Variants in CST5 observed in about 807,000 individuals in gnomAD.
CST5 encodes cystatin D.
Under a neutral mutation model 11.5 loss-of-function variants are expected in CST5, and 13 were observed. The ratio of observed to expected loss-of-function variants is 1.13; its 90% CI spans 0.73 to 1.79. The LOEUF (loss-of-function observed/expected upper bound fraction) is 1.79, where lower values mean the gene tolerates loss of function less well. CST5 is among the 40% of genes most tolerant of loss of function. CST5 has a pLI of 0.00. For synonymous variants in CST5, 81 were observed against 67.6 expected (o/e 1.20, Z -0.97); for missense variants, 219 against 174.5 (o/e 1.25, Z -1.44).
Position 23,879,578 on chromosome 20 carries a change from G to A in CST5, c.99C>T (p.Gly33=), listed in dbSNP as rs1377506411. The A allele has an allele frequency of 5.6e-6, 9 of 1,614,068 alleles. No homozygotes were observed. Among genetic ancestry groups the A allele is most frequent in the Admixed American group, 1.7e-5 (1 of 60,022 alleles). ...TGTCATTGAGGTCTGTGGCATGGATGCCACCTGCCAAGGTCCTAGATTGGG... is the reference window on the plus strand; with the variant it reads ...TGTCATTGAGGTCTGTGGCATGGATACCACCTGCCAAGGTCCTAGATTGGG... ...ASAQSRTLAG[G]IHATDLNDKS... The change falls in exon 1 of 3, where the codon GGC becomes GGT. Residue 33 remains glycine (G), a synonymous_variant. Transcript: ENST00000304710.
chr20:23,877,364 C>T (rs1015795761), intron 2 of CST5, 141 bp downstream of exon 2: 1 of 643,476 alleles, frequency 1.6e-6, no homozygotes, highest in Admixed American at 2.7e-5. Context: ...CATACGTGGC[C>T]CCACAAATAT....
intron 1 of CST5, among the ~76,000 whole-genome samples, chr20:23,878,950 T>A (rs1986021215): frequency 6.6e-6 from 1 of 152,222 alleles, no homozygotes; most frequent in Admixed American, 6.5e-5. Context: ...GGAACTCAGC[T>A]GTCCTGGGCT....
Position 23,877,568 on chromosome 20 carries a change from T to A in CST5, c.282A>T (p.Thr94=). The change falls in exon 2 of 3, where the codon ACA becomes ACT. Residue 94 remains threonine, a synonymous_variant. Transcript: ENST00000304710. ...CCAAGTTGGGCTGGGACTTGGTGCA[T>A]GTGGTTCGACCGAACTTCACATTGA... ...YYFNVKFGRT[T]CTKSQPNLDN... 6.2e-7 allele frequency: 1 copy of A among 1,614,062 alleles called. No homozygotes were observed. The highest frequency in any genetic ancestry group is 1.6e-4 in the Middle Eastern group (1 of 6,062).
intron 1 of CST5, among the ~76,000 whole-genome samples, chr20:23,878,219 A>G (rs1986005054): frequency 6.6e-6 from 1 of 152,196 alleles, no homozygotes; most frequent in Non-Finnish European, 1.5e-5. Flanking sequence ...TGAGATGCTC[A>G]CATACATTGA....
Position 23,879,710 on chromosome 20 carries a change from T to C in CST5, c.-34A>G. ...GGGACACAGAGCAAGGAGCTGGATC[T>C]CCCAGAGAGCAAAGCAGCAGAAGGC... is the stretch of plus-strand genomic sequence containing the variant. On this transcript the variant is annotated 5_prime_UTR_variant, in exon 1 of 3. Transcript: ENST00000304710. 6.3e-7 allele frequency: 1 copy of C among 1,593,082 alleles called. No homozygotes were observed. Among genetic ancestry groups the C allele is most frequent in the Non-Finnish European group, 8.6e-7 (1 of 1,164,624 alleles).
At chr20:23,877,923 A>T (rs1275274123) in intron 1 of CST5, among the ~76,000 whole-genome samples, 2 of 152,318 alleles carry the variant, frequency 1.3e-5, no homozygotes, top group South Asian at 4.1e-4. Context: ...TCAGGAACAG[A>T]AGGCACAGCT....
In CST5 at chr20:23,877,518, G is replaced by C; in HGVS notation, c.332C>G (p.Pro111Arg). The C allele has an allele frequency of 6.2e-7, 1 of 1,614,010 alleles. No individual in the cohort carries two copies. The highest frequency in any genetic ancestry group is 8.5e-7 in the Non-Finnish European group (1 of 1,179,914). The change falls in exon 2 of 3, where the codon CCA becomes CGA. Residue 111 changes from proline to arginine, a missense_variant. By Grantham distance (103) the Pro-to-Arg change is moderately radical. Transcript: ENST00000304710. ...NLDNCPFNDQ[P>R]KLKEEEFCSF... is the part of the protein sequence containing the mutation. Reference sequence around the variant, plus strand: ...TCAGGCACATACCTCTTTCAGTTTTGGCTGGTCATTGAAGGGACAGTTGTC... The same window carrying C: ...TCAGGCACATACCTCTTTCAGTTTTCGCTGGTCATTGAAGGGACAGTTGTC...
chr20:23,877,725 C>A, intron 1 of CST5, 107 bp from the exon 2 acceptor site: 1 of 890,704 alleles, frequency 1.1e-6, no homozygotes, highest in Non-Finnish European at 1.8e-6. Flanking sequence ...GGCTTCATGC[C>A]CACACTGTCA....
intron 2 of CST5, 36 bp from the exon 3 acceptor site, chr20:23,876,307 G>A (rs775791099): frequency 6.4e-7 from 1 of 1,551,840 alleles, no homozygotes; most frequent in African/African-American, 1.4e-5. Context: ...ATGACTGTGG[G>A]TTACAGTTAA....
At chr20:23,878,875 A>G (rs1339609776) in intron 1 of CST5, among the ~76,000 whole-genome samples, 1 of 152,126 alleles carries the variant, frequency 6.6e-6, no homozygotes, top group African/African-American at 2.4e-5. Flanking sequence ...TGCTGTCCTC[A>G]TTTTGCTGAG....
At chr20:23,879,377 A>G in intron 1 of CST5, 69 bp downstream of exon 1, 1 of 1,093,084 alleles carries the variant, frequency 9.1e-7, no homozygotes, top group Non-Finnish European at 1.4e-6. Flanking sequence ...ATTTGCTGGG[A>G]GTGCTCTGGG....
intron 2 of CST5, among the ~76,000 whole-genome samples, chr20:23,876,641 G>A (rs944220882): frequency 6.6e-6 from 1 of 152,210 alleles, no homozygotes; most frequent in Non-Finnish European, 1.5e-5. Flanking sequence ...AGCACTAAGA[G>A]GGGCCAGAGG....
chr20:23,876,315 T>A (rs1339939377), intron 2 of CST5, 44 bp from the exon 3 acceptor site: 1 of 1,503,884 alleles, frequency 6.6e-7, no homozygotes, highest in African/African-American at 1.4e-5. Flanking sequence ...GGGTTACAGT[T>A]AAAGCCAAAG....
At chr20:23,879,385 G>A (rs1030745459) in intron 1 of CST5, 61 bp downstream of exon 1, 8 of 1,235,072 alleles carry the variant, frequency 6.5e-6, no homozygotes, top group South Asian at 1.2e-5. Context: ...GGAGTGCTCT[G>A]GGGGGTGAGG....
Position 23,877,534 on chromosome 20 carries a change from G to T in CST5, c.316C>A (p.Pro106Thr). 6.2e-7 allele frequency: 1 copy of T among 1,614,176 alleles called. No homozygotes were observed. The highest frequency in any genetic ancestry group is 8.5e-7 in the Non-Finnish European group (1 of 1,180,016). The stretch of plus-strand genomic sequence containing the variant: ...TTCAGTTTTGGCTGGTCATTGAAGG[G>T]ACAGTTGTCCAAGTTGGGCTGGGAC... ...TKSQPNLDNCPFNDQPKLKEE... is the reference protein window; with the variant it reads ...TKSQPNLDNCTFNDQPKLKEE... The change falls in exon 2 of 3, where the codon CCC becomes ACC. Residue 106 changes from proline (P) to threonine (T), a missense_variant. By Grantham distance (38) the Pro-to-Thr change is conservative. Transcript: ENST00000304710.
At position 23,879,577 on chromosome 20, in the gene CST5, T is replaced by C. The variant is rs1194856160; in HGVS notation, c.100A>G (p.Ile34Val). The C allele has an allele frequency of 6.2e-7, 1 of 1,614,048 alleles. No individual in the cohort carries two copies. Among genetic ancestry groups the C allele is most frequent in the Non-Finnish European group, 8.5e-7 (1 of 1,179,994 alleles). The change falls in exon 1 of 3, where the codon ATC becomes GTC. Residue 34 changes from isoleucine (I) to valine (V), a missense_variant. By Grantham distance (29) the Ile-to-Val change is conservative (BLOSUM62 3). Coordinates refer to ENST00000304710, the MANE Select transcript of CST5 (RefSeq NM_001900.5). ...TTGTCATTGAGGTCTGTGGCATGGATGCCACCTGCCAAGGTCCTAGATTGG... is the reference window on the plus strand; with the variant it reads ...TTGTCATTGAGGTCTGTGGCATGGACGCCACCTGCCAAGGTCCTAGATTGG... ...SAQSRTLAGGIHATDLNDKSV... is the reference protein window; with the variant it reads ...SAQSRTLAGGVHATDLNDKSV...
At chr20:23,876,580 A>G (rs1032326202) in intron 2 of CST5, among the ~76,000 whole-genome samples, 4 of 152,162 alleles carry the variant, frequency 2.6e-5, no homozygotes, top group African/African-American at 7.2e-5. Flanking sequence ...GGTGCAGGAC[A>G]GGGGAGGCAG....
intron 1 of CST5, 62 bp from the exon 2 acceptor site, chr20:23,877,680 C>G: frequency 7.4e-7 from 1 of 1,358,310 alleles, no homozygotes; most frequent in African/African-American, 1.4e-5. Context: ...CACACGCAGG[C>G]ACTTCACTGT....
intron 1 of CST5, 79 bp from the exon 2 acceptor site, chr20:23,877,697 G>A (rs2071444): frequency 0.17 from 204,707 of 1,193,092 alleles, 19,526 homozygotes; most frequent in East Asian, 0.38. Context: ...CTGTGACTGA[G>A]TCACTGGGCT....
Sources: allele counts gnomAD v4.1 joint callset (sites outside exome capture counted in the v4.1 genomes callset), GRCh38; gene constraint gnomAD v4.1.1; transcripts MANE v1.5; gene names NCBI Gene and HGNC (gene_info 2026-07-23, HGNC 2026-07-21).